SLC25A28: variants seen among roughly 807,000 people sequenced by gnomAD.
SLC25A28 encodes the protein solute carrier family 25 member 28, also known as mitoferrin-2.
In SLC25A28, 10 loss-of-function variants were observed where a neutral mutation model predicts 31.9. The ratio of observed to expected loss-of-function variants is 0.31; its 90% CI spans 0.19 to 0.53. The LOEUF is 0.53. SLC25A28 is among the 20% of genes least tolerant of loss of function. SLC25A28 has a pLI of 0.95. For missense variants in SLC25A28, 256 were observed against 490.3 expected (o/e 0.52, Z 4.51); for synonymous variants, 208 against 203.6 (o/e 1.02, Z -0.19).
At position 99,612,589 on chromosome 10, in the gene SLC25A28, C is replaced by T. The variant is rs370011291; in HGVS notation, c.531G>A (p.Gly177=). 6.2e-7 allele frequency: 1 copy of T among 1,614,152 alleles called. No homozygotes were observed. The highest frequency in any genetic ancestry group is 2.2e-5 in the East Asian group (1 of 44,884). Residue 177 remains glycine, a synonymous_variant, in exon 3 of 4, where the codon GGG becomes GGA. Transcript: ENST00000370495. ...GNSHIANGAA[G]CVATLLHDAA... is the part of the protein sequence containing the mutation. ...CATCATGAAGTAATGTTGCCACACA[C>T]CCGGCCGCACCTGCAAACAAGAAAA...
chr10:99,629,076 A>T, the SLC25A28 span, among the ~76,000 whole-genome samples: 1 of 152,118 alleles, frequency 6.6e-6, no homozygotes, highest in Non-Finnish European at 1.5e-5. Context: ...CTCATGATGA[A>T]ATTTGATCTC....
At chr10:99,627,278 G>A in the SLC25A28 span, among the ~76,000 whole-genome samples, 3 of 151,920 alleles carry the variant, frequency 2.0e-5, no homozygotes, top group African/African-American at 7.3e-5. Context: ...TGGATACATA[G>A]TAGGTGTATA....
chr10:99,615,662 T>G, intron 1 of SLC25A28: 1 of 985,402 alleles, frequency 1.0e-6, no homozygotes, highest in East Asian at 1.1e-4. Flanking sequence ...AAGGGTTTGT[T>G]TACTCATCTT....
chr10:99,613,500 G>A lies in SLC25A28; in HGVS notation c.520+196C>T. 6.9e-7 allele frequency: 1 copy of A among 1,441,792 alleles called. No homozygotes were observed. The highest frequency in any genetic ancestry group is 9.1e-7 in the Non-Finnish European group (1 of 1,103,200). The allele number at this position is 1,441,792 out of a possible 1,614,324, so 89.3% of individuals were successfully genotyped here. A position where few individuals can be genotyped will look rare whatever the true frequency, so the allele number is the denominator to read the frequency against. On this transcript the variant is annotated intron_variant, in intron 2 of 3. Coordinates refer to ENST00000370495, the MANE Select transcript of SLC25A28 (RefSeq NM_031212.4). The surrounding 1 kb of genome is among the most constrained non-coding windows in gnomAD (Gnocchi z 4.9). Reference sequence around the variant, plus strand: ...GGAGGATACTGTAACCCTTTGTTGAGGTGCCCCAAAGGAAAAGGCAGGGTT... The same window carrying A: ...GGAGGATACTGTAACCCTTTGTTGAAGTGCCCCAAAGGAAAAGGCAGGGTT...
chr10:99,647,176 C>T, the SLC25A28 span, among the ~76,000 whole-genome samples: 20 of 152,122 alleles, frequency 1.3e-4, no homozygotes, highest in Non-Finnish European at 2.4e-4. Flanking sequence ...TGGATATATA[C>T]GCATTGGTGG....
the SLC25A28 span, among the ~76,000 whole-genome samples, chr10:99,643,947 C>A: frequency 6.6e-6 from 1 of 152,188 alleles, no homozygotes; most frequent in East Asian, 1.9e-4. Context: ...GTTATAATTT[C>A]TGTTCTTTTA....
the SLC25A28 span, among the ~76,000 whole-genome samples, chr10:99,636,250 A>G: frequency 2.0e-5 from 3 of 152,360 alleles, no homozygotes; most frequent in East Asian, 5.8e-4. Context: ...TAAATTTAAG[A>G]AAATTGAAAT....
rs1393821412 is a variant in SLC25A28 at position 99,613,011 on chromosome 10, C to T, written c.521-412G>A. 1.3e-5 allele frequency among the ~76,000 whole-genome samples: 2 copies of T among 152,184 alleles called. No individual in the cohort carries two copies. The highest frequency in any genetic ancestry group is 2.9e-5 in the Non-Finnish European group (2 of 68,030). ...CCTCACCACAGAATCCCACCTCAGT[C>T]CTGCCGCAGAACCCATTTGCAGAGC... On this transcript the variant is annotated intron_variant, in intron 2 of 3. Coordinates refer to ENST00000370495, the MANE Select transcript of SLC25A28 (RefSeq NM_031212.4). The surrounding 1 kb of genome is among the most constrained non-coding windows in gnomAD (Gnocchi z 4.9).
chr10:99,617,535 G>A, intron 1 of SLC25A28: 1 of 985,436 alleles, frequency 1.0e-6, no homozygotes, highest in East Asian at 1.1e-4. Flanking sequence ...AAAAGAAGAA[G>A]GATAGCTGCT....
intron 1 of SLC25A28, chr10:99,615,956 T>C (rs1365884062): frequency 1.0e-6 from 1 of 985,304 alleles, no homozygotes; most frequent in Non-Finnish European, 1.2e-6. Context: ...GAAGCTACTT[T>C]GAACATTCTA....
At chr10:99,614,173 G>A (rs2133343798) in intron 1 of SLC25A28, among the ~76,000 whole-genome samples, 1 of 152,244 alleles carries the variant, frequency 6.6e-6, no homozygotes, top group East Asian at 1.9e-4. Flanking sequence ...ATTGCTAAGT[G>A]TCCTGGTACT....
At position 99,613,243 on chromosome 10, in the gene SLC25A28, A is replaced by G. The variant is rs565281313; in HGVS notation, c.520+453T>C. 8.5e-4 allele frequency among the ~76,000 whole-genome samples: 130 copies of G among 152,214 alleles called. No individual in the cohort carries two copies. Among genetic ancestry groups the G allele is most frequent in the South Asian group, 7.5e-3 (36 of 4,826 alleles). ...CATGAGGCTTTGTCATGTTCTCAAC[A>G]CAAACTGCCTCTGGTGAGTTGGGAT... On this transcript the variant is annotated intron_variant, in intron 2 of 3. Transcript: ENST00000370495. This position sits in a 1 kb window ranked among gnomAD's most constrained non-coding sequence, Gnocchi z 4.9.
chr10:99,621,719 A>G (rs993188501), upstream of SLC25A28: 6 of 152,302 alleles, frequency 3.9e-5, no homozygotes, highest in Admixed American at 3.9e-4. Flanking sequence ...TGTTTTACCC[A>G]GATGATGCAA....
chr10:99,620,180 C>G lies in SLC25A28; in HGVS notation c.156G>C (p.Pro52=). ...GGCCGGAGTCCGGATCTTGTCGTAC[C>G]GGGGGCCTGCAGGCCCCGGCCTCCC... ...GGGEAGACRP[P]VRQDPDSGPD... is the part of the protein sequence containing the mutation. Residue 52 remains proline (P), a synonymous_variant, in exon 1 of 4, where the codon CCG becomes CCC. Transcript: ENST00000370495. 1.3e-6 allele frequency: 2 copies of G among 1,518,208 alleles called. No individual in the cohort carries two copies. The highest frequency in any genetic ancestry group is 1.8e-6 in the Non-Finnish European group (2 of 1,138,294). The allele number at this position is 1,518,208 out of a possible 1,614,324, so 94.0% of individuals were successfully genotyped here. A position where few individuals can be genotyped will look rare whatever the true frequency, so the allele number is the denominator to read the frequency against.
the SLC25A28 span, among the ~76,000 whole-genome samples, chr10:99,653,039 A>T: frequency 6.6e-6 from 1 of 152,098 alleles, no homozygotes; most frequent in Non-Finnish European, 1.5e-5. Flanking sequence ...CCCTGACCAA[A>T]CTCATTTTAA....
At chr10:99,616,118 T>A (rs1404919980) in intron 1 of SLC25A28, 2 of 985,362 alleles carry the variant, frequency 2.0e-6, no homozygotes, top group Non-Finnish European at 2.4e-6. Context: ...AAAGATGAAA[T>A]ATCTAAGTAA....
rs1341660303 is a variant in SLC25A28, at chr10:99,611,651, G to C, written c.578-285C>G. 6.6e-6 allele frequency among the ~76,000 whole-genome samples: 1 copy of C among 152,120 alleles called. No individual in the cohort carries two copies. The highest frequency in any genetic ancestry group is 1.9e-4 in the East Asian group (1 of 5,186). On this transcript the variant is annotated intron_variant, in intron 3 of 3. Transcript: ENST00000370495. The surrounding 1 kb of genome is among the most constrained non-coding windows in gnomAD (Gnocchi z 5.5). ...ACATATCTACAGTTTGGGAGCTTCA[G>C]AGAGTCTTCTTGAACTAAGTACCTA...
chr10:99,631,877 T>A, the SLC25A28 span, among the ~76,000 whole-genome samples: 4 of 98,366 alleles, frequency 4.1e-5, no homozygotes, highest in South Asian at 1.6e-3. Context: ...CTCAGTATGT[T>A]ATTTTTTTTT....
chr10:99,630,428 C>T, the SLC25A28 span, among the ~76,000 whole-genome samples: 2 of 152,134 alleles, frequency 1.3e-5, no homozygotes, highest in Non-Finnish European at 2.9e-5. Context: ...GCCACCATGC[C>T]TGGCCCATGC....
Sources: gnomAD v4.1 joint callset for allele counts (sites outside exome capture counted in the v4.1 genomes callset) on GRCh38, gnomAD v4.1.1 for gene constraint, Gnocchi (gnomAD v3.1) non-coding constraint, MANE v1.5 for transcripts, NCBI Gene and HGNC (gene_info 2026-07-23, HGNC 2026-07-21) for gene names.